AGBL4: variants seen among roughly 807,000 people sequenced by gnomAD.
AGBL4 encodes the protein cytosolic carboxypeptidase 6.
In AGBL4, 58 loss-of-function variants were observed where a neutral mutation model predicts 66.4. That is an observed-to-expected ratio of 0.87 (90% CI 0.71 to 1.09). The LOEUF is 1.09. AGBL4 is among the 50% of genes least tolerant of loss of function. The pLI is 0.00. For synonymous variants in AGBL4, 234 were observed against 222.9 expected (o/e 1.05, Z -0.44); for missense variants, 579 against 631.0 (o/e 0.92, Z 0.88).
intron 5 of AGBL4, among the ~76,000 whole-genome samples, chr1:48,970,333 C>T (rs1276589081): frequency 1.3e-5 from 2 of 152,166 alleles, no homozygotes; most frequent in African/African-American, 4.8e-5. Flanking sequence ...GATCCCCATG[C>T]TTTGCTCTTT....
chr1:48,601,900 C>T (rs924644667), intron 9 of AGBL4, among the ~76,000 whole-genome samples: 7 of 152,072 alleles, frequency 4.6e-5, no homozygotes, highest in African/African-American at 1.4e-4. Flanking sequence ...CCTCAGAAAG[C>T]CCCAGTCTGA....
chr1:49,868,431 A>G (rs948478395), intron 1 of AGBL4, among the ~76,000 whole-genome samples: 2 of 151,454 alleles, frequency 1.3e-5, no homozygotes, highest in Non-Finnish European at 3.0e-5. Context: ...AAAACAGGCC[A>G]ATGGCACAGA....
At chr1:49,469,691 T>A (rs1179109158) in intron 3 of AGBL4, 1 of 151,950 alleles carries the variant, frequency 6.6e-6, no homozygotes, top group Non-Finnish European at 1.5e-5. Context: ...TACAGAAAGT[T>A]AAAATTATCA....
intron 6 of AGBL4, among the ~76,000 whole-genome samples, chr1:48,678,103 CCTGT>C (rs1646396393): frequency 6.6e-6 from 1 of 152,206 alleles, no homozygotes; most frequent in African/African-American, 2.4e-5. Context: ...ACAAGCCCAG[CCTGT>C]CTGTCAGGGA....
intron 5 of AGBL4, among the ~76,000 whole-genome samples, chr1:48,897,718 T>C (rs1472578983): frequency 2.0e-5 from 3 of 152,160 alleles, no homozygotes; most frequent in Non-Finnish European, 4.4e-5. Context: ...ATTTCTCTAA[T>C]GATTAGTAAT....
intron 3 of AGBL4, among the ~76,000 whole-genome samples, chr1:49,360,817 A>T (rs11803228): frequency 6.6e-6 from 1 of 152,032 alleles, no homozygotes; most frequent in African/African-American, 2.4e-5. Context: ...TATTTTTTTT[A>T]ATTTTTATTT....
intron 2 of AGBL4, among the ~76,000 whole-genome samples, chr1:49,757,972 C>T (rs1652016368): frequency 6.6e-6 from 1 of 152,154 alleles, no homozygotes. Context: ...GCATCCCCTC[C>T]CTGTAGGCCT....
intron 4 of AGBL4, among the ~76,000 whole-genome samples, chr1:49,206,688 G>C (rs182172939): frequency 1.3e-5 from 2 of 152,186 alleles, no homozygotes; most frequent in East Asian, 3.9e-4. Context: ...CACTGCACCT[G>C]CGTCACTGAC....
At chr1:49,089,253 A>C (rs1369162517) in intron 4 of AGBL4, among the ~76,000 whole-genome samples, 1 of 151,476 alleles carries the variant, frequency 6.6e-6, no homozygotes, top group East Asian at 2.0e-4. Context: ...CACCAAATTC[A>C]GAGCTGAACT....
At chr1:48,924,741 G>A (rs531275853) in intron 5 of AGBL4, among the ~76,000 whole-genome samples, 24 of 152,154 alleles carry the variant, frequency 1.6e-4, no homozygotes, top group African/African-American at 4.3e-4. Context: ...TGATGGACTC[G>A]TGTATGAGGT....
At chr1:48,656,524 G>A (rs995135675) in intron 7 of AGBL4, among the ~76,000 whole-genome samples, 63 of 152,200 alleles carry the variant, frequency 4.1e-4, no homozygotes, top group African/African-American at 1.1e-3. Flanking sequence ...AGGCTCTGAT[G>A]GGAACAGCAC....
intron 6 of AGBL4, among the ~76,000 whole-genome samples, chr1:48,762,656 G>GTGTGTGTGTGTGTGTGTA (rs763897262): frequency 6.5e-5 from 9 of 138,732 alleles, no homozygotes; most frequent in African/African-American, 2.1e-4. Flanking sequence ...GTGTGTGTGT[G>GTGTGTGTGTGTGTGTGTA]TGTATGTATT....
intron 3 of AGBL4, among the ~76,000 whole-genome samples, chr1:49,523,504 C>A (rs1476939909): frequency 6.6e-6 from 1 of 151,964 alleles, no homozygotes; most frequent in Admixed American, 6.6e-5. Context: ...GTATTTTTCA[C>A]TTGATTCCAA....
intron 5 of AGBL4, among the ~76,000 whole-genome samples, chr1:48,919,805 T>G (rs1653931527): frequency 6.6e-6 from 1 of 152,166 alleles, no homozygotes; most frequent in South Asian, 2.1e-4. Flanking sequence ...GGGGCAAAAT[T>G]ACCTCCAGTC....
chr1:49,157,159 C>A (rs909083297), intron 4 of AGBL4, among the ~76,000 whole-genome samples: 2 of 151,814 alleles, frequency 1.3e-5, no homozygotes, highest in African/African-American at 4.8e-5. Context: ...CAGGTATACA[C>A]GTGCCATGGT....
intron 4 of AGBL4, among the ~76,000 whole-genome samples, chr1:49,232,378 A>G (rs1239929072): frequency 6.6e-6 from 1 of 152,128 alleles, no homozygotes; most frequent in African/African-American, 2.4e-5. Context: ...CTTTGGACTC[A>G]AGAAGAATAT....
chr1:49,573,814 G>A (rs977223787), intron 3 of AGBL4, among the ~76,000 whole-genome samples: 1 of 152,136 alleles, frequency 6.6e-6, no homozygotes, highest in African/African-American at 2.4e-5. Flanking sequence ...AACTTAGAAT[G>A]GGGATGTGTG....
intron 6 of AGBL4, among the ~76,000 whole-genome samples, chr1:48,753,232 G>A (rs1452635498): frequency 6.6e-6 from 1 of 152,222 alleles, no homozygotes; most frequent in African/African-American, 2.4e-5. Context: ...TAATCACTGA[G>A]CTGGTTCTCC....
At chr1:48,693,117 C>CA (rs1646658938) in intron 6 of AGBL4, among the ~76,000 whole-genome samples, 1 of 152,206 alleles carries the variant, frequency 6.6e-6, no homozygotes, top group South Asian at 2.1e-4. Flanking sequence ...TTTGTATATT[C>CA]AAAGCTCTTG....
Sources: gnomAD v4.1 joint callset for allele counts (sites outside exome capture counted in the v4.1 genomes callset) on GRCh38, gnomAD v4.1.1 for gene constraint, MANE v1.5 for transcripts, NCBI Gene and HGNC (gene_info 2026-07-23, HGNC 2026-07-21) for gene names.